Variants in EPGN observed in about 807,000 individuals in gnomAD.
The protein encoded by EPGN is epigen.
In EPGN, 21 loss-of-function variants were observed where a neutral mutation model predicts 20.7. The ratio of observed to expected loss-of-function variants is 1.01; its 90% CI spans 0.72 to 1.46. EPGN has a LOEUF of 1.46. Ranked by LOEUF, EPGN falls within the 40% of genes most tolerant of loss-of-function variation. EPGN has a pLI of 0.00. For synonymous variants in EPGN, 69 were observed against 63.8 expected (o/e 1.08, Z -0.39); for missense variants, 199 against 180.7 (o/e 1.10, Z -0.58).
rs1044298331 is a variant in EPGN at position 74,314,065 on chromosome 4, G to A, written c.408-515G>A. 12 of 455,184 alleles carry A rather than the reference G, an allele frequency of 2.6e-5. No individual in the cohort carries two copies. The Admixed American group carries it at 2.8e-4, about 11-fold the overall frequency. The allele number at this position is 455,184 out of a possible 1,614,324, so 28.2% of individuals were successfully genotyped here. A position where few individuals can be genotyped will look rare whatever the true frequency, so the allele number is the denominator to read the frequency against. On this transcript the variant is annotated intron_variant, in intron 4 of 4. Transcript: ENST00000413830. ...TCTGAGGTCAGATTTCCTAGAAGCG[G>A]AGCCTTCAGATAGAGATTGCTGTGC...
chr4:74,313,258 A>G, intron 4 of EPGN, 88 bp downstream of exon 4: 1 of 1,444,030 alleles, frequency 6.9e-7, no homozygotes, highest in Non-Finnish European at 9.0e-7. Flanking sequence ...AGGCACTGAC[A>G]TGTAAAATTT....
Position 74,314,666 on chromosome 4 carries a change from A to C in EPGN, c.*29A>C. On this transcript the variant is annotated 3_prime_UTR_variant, in exon 5 of 5. Coordinates refer to ENST00000413830, the MANE Select transcript of EPGN (RefSeq NM_001270989.2). ...CTTTGTGAAGAATTTTCATCAAGGC[A>C]TCTGTAGAGATCAGTGAGCCCAAAA... is the stretch of plus-strand genomic sequence containing the variant. The C allele has an allele frequency of 6.5e-7, 1 of 1,530,464 alleles. No individual in the cohort carries two copies. The highest frequency in any genetic ancestry group is 1.2e-5 in the South Asian group (1 of 83,512). The allele number at this position is 1,530,464 out of a possible 1,614,324, so 94.8% of individuals were successfully genotyped here. A position where few individuals can be genotyped will look rare whatever the true frequency, so the allele number is the denominator to read the frequency against.
In EPGN at chr4:74,313,171, G is replaced by A; in HGVS notation, c.407+1G>A. On this transcript the variant is annotated splice_donor_variant, in intron 4 of 4. Transcript: ENST00000413830. LOFTEE classifies it high-confidence loss of function. Reference sequence around the variant, plus strand: ...TTTTTTACTGCTATATAAGAAAGAGGTATGAAAAAGACAAAATATGAAGTC... The same window carrying A: ...TTTTTTACTGCTATATAAGAAAGAGATATGAAAAAGACAAAATATGAAGTC... 1.2e-6 allele frequency: 2 copies of A among 1,607,414 alleles called. No homozygotes were observed. The highest frequency in any genetic ancestry group is 1.1e-5 in the South Asian group (1 of 89,410).
At chr4:74,311,494 T>A (rs1178832354) in intron 2 of EPGN, among the ~76,000 whole-genome samples, 5 of 152,160 alleles carry the variant, frequency 3.3e-5, no homozygotes, top group African/African-American at 1.2e-4. Flanking sequence ...TCTCTTAATC[T>A]TAGCAAGGCA....
In EPGN at chr4:74,312,425, A is replaced by G. The variant is rs758158040; in HGVS notation, c.254+120A>G. On this transcript the variant is annotated intron_variant, in intron 3 of 4. Coordinates refer to ENST00000413830, the MANE Select transcript of EPGN (RefSeq NM_001270989.2). ...GTTTAAAAGGGTGCATAATCTGAAC[A>G]TGACTTGACAGGCCTCTACATATTT... The G allele has an allele frequency of 1.7e-5, 19 of 1,136,814 alleles. No individual in the cohort carries two copies. In the Admixed American group the frequency reaches 2.7e-4, roughly 16 times the overall value. 70.4% of individuals were successfully genotyped at this position (1,136,814 alleles called of 1,614,324 possible).
In EPGN at chr4:74,308,597, T is replaced by G. The variant is rs1224719332; in HGVS notation, c.43+21T>G. On this transcript the variant is annotated intron_variant, in intron 1 of 4. Transcript: ENST00000413830. ...CAACGGTAGGTAATTTCCTTTTGTT[T>G]TGTTAACTTTATATCAGTGTAAAAT... is the stretch of plus-strand genomic sequence containing the variant. 1.9e-6 allele frequency: 3 copies of G among 1,603,164 alleles called. No homozygotes were observed. In the African/African-American group the frequency reaches 4.0e-5, roughly 21 times the overall value.
At chr4:74,313,376 T>C (rs1751094386) in intron 4 of EPGN, 6 of 1,392,788 alleles carry the variant, frequency 4.3e-6, no homozygotes, top group South Asian at 1.8e-5. Context: ...TCAGTTGTAA[T>C]AGGAGAGTTC....
intron 4 of EPGN, chr4:74,313,602 T>C: frequency 4.0e-6 from 4 of 1,008,004 alleles, no homozygotes; most frequent in Non-Finnish European, 4.7e-6. Context: ...TAAAAATGTA[T>C]GACAAACATT....
intron 1 of EPGN, 68 bp from the exon 2 acceptor site, chr4:74,309,025 C>T: frequency 8.7e-7 from 1 of 1,144,544 alleles, no homozygotes; most frequent in Admixed American, 2.0e-5. Context: ...AATAAGAATA[C>T]TTTCCATCTG....
intron 4 of EPGN, 25 bp from the exon 5 acceptor site, chr4:74,314,555 T>C (rs1578792117): frequency 6.5e-7 from 1 of 1,535,102 alleles, no homozygotes; most frequent in East Asian, 2.4e-5. Flanking sequence ...GTCAAATTCA[T>C]ATGGAAACCA....
At chr4:74,310,591 A>T (rs1428401502) in intron 2 of EPGN, among the ~76,000 whole-genome samples, 1 of 152,062 alleles carries the variant, frequency 6.6e-6, no homozygotes, top group Non-Finnish European at 1.5e-5. Flanking sequence ...TTAATGGTGA[A>T]CAGCAAATAA....
At position 74,315,591 on chromosome 4, in the gene EPGN, A is replaced by G. The variant is rs748722657; in HGVS notation, c.*954A>G. Reference sequence around the variant, plus strand: ...GTGGAAACTTTCTTTATCATTTTTGAACACTTGTTAACAGATTTGCACATA... The same window carrying G: ...GTGGAAACTTTCTTTATCATTTTTGGACACTTGTTAACAGATTTGCACATA... On this transcript the variant is annotated 3_prime_UTR_variant, in exon 5 of 5. Transcript: ENST00000413830. 1.3e-5 allele frequency among the ~76,000 whole-genome samples: 2 copies of G among 152,186 alleles called. No individual in the cohort carries two copies. Among genetic ancestry groups the G allele is most frequent in the Non-Finnish European group, 2.9e-5 (2 of 68,042 alleles).
At chr4:74,310,443 CAG>C (rs1207076288) in intron 2 of EPGN, among the ~76,000 whole-genome samples, 3 of 79,710 alleles carry the variant, frequency 3.8e-5, no homozygotes, top group Non-Finnish European at 7.0e-5. Context: ...GCCGGGGTGA[CAG>C]AGTGAGAGTC....
chr4:74,309,965 C>T (rs536530012), intron 2 of EPGN, among the ~76,000 whole-genome samples: 15 of 152,110 alleles, frequency 9.9e-5, no homozygotes, highest in Non-Finnish European at 1.8e-4. Flanking sequence ...GGAAGATTGT[C>T]ATATCTCAGT....
At chr4:74,309,714 T>C (rs1750775911) in intron 2 of EPGN, among the ~76,000 whole-genome samples, 2 of 152,312 alleles carry the variant, frequency 1.3e-5, no homozygotes, top group South Asian at 4.1e-4. Flanking sequence ...GGTAATGATA[T>C]ATTTTCTTTT....
rs1751220420 is a variant in EPGN at position 74,315,362 on chromosome 4, T to C, written c.*725T>C. The C allele has an allele frequency of 6.6e-6, 1 of 152,270 alleles. No homozygotes were observed. Among genetic ancestry groups the C allele is most frequent in the Non-Finnish European group, 1.5e-5 (1 of 68,044 alleles). 9.4% of individuals were successfully genotyped at this position (152,270 alleles called of 1,614,324 possible). On this transcript the variant is annotated 3_prime_UTR_variant, in exon 5 of 5. Coordinates refer to ENST00000413830, the MANE Select transcript of EPGN (RefSeq NM_001270989.2). ...GGAGTAGGCAAAGCATTTCCATTTC[T>C]ACATGGATTATAAAACTTTGTGTTG...
chr4:74,308,649 T>C lies in EPGN; in HGVS notation c.43+73T>C, dbSNP rs1750690759. 2.3e-6 allele frequency: 3 copies of C among 1,313,466 alleles called. No individual in the cohort carries two copies. The South Asian group carries it at 4.2e-5, about 18-fold the overall frequency. 81.4% of individuals were successfully genotyped at this position (1,313,466 alleles called of 1,614,324 possible). A position where few individuals can be genotyped will look rare whatever the true frequency, so the allele number is the denominator to read the frequency against. On this transcript the variant is annotated intron_variant, in intron 1 of 4. Coordinates refer to ENST00000413830, the MANE Select transcript of EPGN (RefSeq NM_001270989.2). ...TGAATAGAATTTATTTTCTCTGCAT[T>C]AGAGAGAAGTTGGCTTCTAACAGTT... is the stretch of plus-strand genomic sequence containing the variant.
rs1281996677 is a variant in EPGN, at chr4:74,316,769, G to T, written c.*2132G>T. On this transcript the variant is annotated 3_prime_UTR_variant, in exon 5 of 5. Transcript: ENST00000413830. ...GATTGCCTTTAATTAATTAAGAATT[G>T]CCTCCTGATAAAAGGAAAAAGAAAT... Among the ~76,000 whole-genome samples, 1 of 152,142 alleles carries T rather than the reference G, an allele frequency of 6.6e-6. No individual in the cohort carries two copies. Among genetic ancestry groups the T allele is most frequent in the Non-Finnish European group, 1.5e-5 (1 of 68,030 alleles).
At chr4:74,308,777 C>T (rs1750698969) in intron 1 of EPGN, among the ~76,000 whole-genome samples, 1 of 151,968 alleles carries the variant, frequency 6.6e-6, no homozygotes, top group African/African-American at 2.4e-5. Context: ...TTTTTGAGAC[C>T]TCCAGAATGT....
Sources: gnomAD v4.1 joint callset for allele counts (sites outside exome capture counted in the v4.1 genomes callset) on GRCh38, gnomAD v4.1.1 for gene constraint, MANE v1.5 for transcripts, NCBI Gene and HGNC (gene_info 2026-07-23, HGNC 2026-07-21) for gene names.